ROBO1: variants seen among roughly 807,000 people sequenced by gnomAD.
The protein encoded by ROBO1 is roundabout homolog 1.
Under a neutral mutation model 195.9 loss-of-function variants are expected in ROBO1, and 149 were observed. The observed-to-expected ratio is 0.76, with a 90% CI of 0.67 to 0.87. The LOEUF (loss-of-function observed/expected upper bound fraction) is 0.87. Ranked by LOEUF, ROBO1 falls within the 40% of genes least tolerant of loss-of-function variation. The pLI is 0.00. For synonymous variants in ROBO1, 816 were observed against 733.2 expected, an observed-to-expected ratio of 1.11 and a Z score of -1.82; for missense variants, 1,933 against 2,068.3, an observed-to-expected ratio of 0.93 and a Z score of 1.27.
At chr3:79,653,222 A>T (rs898807794) in intron 1 of ROBO1, among the ~76,000 whole-genome samples, 1 of 151,882 alleles carries the variant, frequency 6.6e-6, no homozygotes, top group Non-Finnish European at 1.5e-5. Flanking sequence ...ATTTCATTAT[A>T]ATTTCATGAA....
intron 5 of ROBO1, among the ~76,000 whole-genome samples, chr3:78,740,046 T>C (rs2082487061): frequency 6.6e-6 from 1 of 152,202 alleles, no homozygotes. Context: ...GCAGAATTTT[T>C]AGTATGTAAC....
chr3:78,814,262 ATTT>A (rs2084833112), intron 4 of ROBO1, among the ~76,000 whole-genome samples: 1 of 152,030 alleles, frequency 6.6e-6, no homozygotes, highest in Non-Finnish European at 1.5e-5. Context: ...GCAATTTAAA[ATTT>A]TTCTAGTAAT....
intron 2 of ROBO1, among the ~76,000 whole-genome samples, chr3:79,159,708 C>T (rs1325669116): frequency 2.6e-5 from 4 of 151,988 alleles, no homozygotes; most frequent in Non-Finnish European, 5.9e-5. Flanking sequence ...TACTCCTACT[C>T]TGATAATTTG....
chr3:79,037,900 G>A (rs1459387030), intron 3 of ROBO1, among the ~76,000 whole-genome samples: 1 of 152,170 alleles, frequency 6.6e-6, no homozygotes, highest in African/African-American at 2.4e-5. Context: ...TATTCTCAAA[G>A]AGGATAGTTC....
chr3:79,646,887 T>G (rs1945835707), intron 1 of ROBO1, among the ~76,000 whole-genome samples: 1 of 152,050 alleles, frequency 6.6e-6, no homozygotes, highest in African/African-American at 2.4e-5. Flanking sequence ...AGTAGATTGC[T>G]GGTTTCCAGA....
At chr3:78,777,199 T>A (rs2083532097) in intron 4 of ROBO1, among the ~76,000 whole-genome samples, 1 of 152,304 alleles carries the variant, frequency 6.6e-6, no homozygotes, top group East Asian at 1.9e-4. Flanking sequence ...GGAACAGACA[T>A]CTTTGGTTAC....
At chr3:79,742,152 A>T (rs1320652035) in intron 1 of ROBO1, among the ~76,000 whole-genome samples, 1 of 152,206 alleles carries the variant, frequency 6.6e-6, no homozygotes, top group Non-Finnish European at 1.5e-5. Flanking sequence ...CTGGGGAGAA[A>T]TTCAAGCCTG....
At chr3:79,225,170 G>C (rs1254968213) in intron 2 of ROBO1, among the ~76,000 whole-genome samples, 1 of 151,696 alleles carries the variant, frequency 6.6e-6, no homozygotes, top group Non-Finnish European at 1.5e-5. Flanking sequence ...TTCTTTGGGG[G>C]GGAAATAATA....
At chr3:78,889,220 C>G (rs981324650) in intron 4 of ROBO1, among the ~76,000 whole-genome samples, 1 of 152,126 alleles carries the variant, frequency 6.6e-6, no homozygotes, top group South Asian at 2.1e-4. Flanking sequence ...TTATATTAAG[C>G]AATTTTCCCC....
chr3:78,857,345 C>G (rs2034514768), intron 4 of ROBO1, among the ~76,000 whole-genome samples: 1 of 152,160 alleles, frequency 6.6e-6, no homozygotes, highest in Non-Finnish European at 1.5e-5. Flanking sequence ...GTCTTAAAAA[C>G]TTAACATTTT....
At chr3:78,707,418 G>C (rs1025329619) in intron 8 of ROBO1, among the ~76,000 whole-genome samples, 1 of 152,150 alleles carries the variant, frequency 6.6e-6, no homozygotes, top group African/African-American at 2.4e-5. Context: ...TTAATACTTA[G>C]GGGAAGCATC....
rs1462832295 is a variant in ROBO1, at chr3:79,496,647, A to T, written c.88+93177T>A. Among the ~76,000 whole-genome samples, 4 of 150,778 alleles carry T rather than the reference A, an allele frequency of 2.7e-5. No homozygotes were observed. The East Asian group carries it at 7.8e-4, about 29-fold the overall frequency. On this transcript the variant is annotated intron_variant, in intron 2 of 30. Transcript: ENST00000464233. The stretch of plus-strand genomic sequence containing the variant: ...CATGATCCACCCGCCTCGGCCTCCC[A>T]AAGTGCTGGGATTACAGGCGTGAGC...
chr3:79,607,274 A>G (rs925175972), intron 1 of ROBO1, among the ~76,000 whole-genome samples: 1 of 151,334 alleles, frequency 6.6e-6, no homozygotes, highest in South Asian at 2.1e-4. Context: ...TTGTGAATAA[A>G]TTATATAAAA....
chr3:79,757,303 G>C (rs1704458236), intron 1 of ROBO1, among the ~76,000 whole-genome samples: 1 of 152,082 alleles, frequency 6.6e-6, no homozygotes, highest in Non-Finnish European at 1.5e-5. Flanking sequence ...TTTGTTTGAA[G>C]TCTTAATTAA....
chr3:79,134,022 C>T (rs369341507), intron 2 of ROBO1, among the ~76,000 whole-genome samples: 1 of 150,842 alleles, frequency 6.6e-6, no homozygotes, highest in Non-Finnish European at 1.5e-5. Flanking sequence ...GCAACAAAAG[C>T]CAAAATTGAC....
At chr3:78,844,192 C>T (rs2033489779) in intron 4 of ROBO1, among the ~76,000 whole-genome samples, 2 of 152,080 alleles carry the variant, frequency 1.3e-5, no homozygotes, top group African/African-American at 4.8e-5. Context: ...GAAGGAAATA[C>T]ATATTTGCCT....
chr3:79,562,019 G>T (rs1942937924), intron 2 of ROBO1, among the ~76,000 whole-genome samples: 3 of 152,102 alleles, frequency 2.0e-5, no homozygotes, highest in Non-Finnish European at 4.4e-5. Flanking sequence ...ATGATAGCTG[G>T]TTTTACTTCT....
intron 11 of ROBO1, among the ~76,000 whole-genome samples, chr3:78,669,211 T>C (rs917350879): frequency 2.0e-5 from 3 of 152,198 alleles, no homozygotes; most frequent in Admixed American, 2.0e-4. Flanking sequence ...AGCAGGATAA[T>C]AAACCCATCT....
chr3:79,080,313 A>C (rs2079249178), intron 3 of ROBO1, among the ~76,000 whole-genome samples: 1 of 151,904 alleles, frequency 6.6e-6, no homozygotes, highest in African/African-American at 2.4e-5. Context: ...AGTACTGAGA[A>C]ATTGAGAGCT....
Sources: allele counts gnomAD v4.1 joint callset (sites outside exome capture counted in the v4.1 genomes callset), GRCh38; gene constraint gnomAD v4.1.1; transcripts MANE v1.5; gene names NCBI Gene and HGNC (gene_info 2026-07-23, HGNC 2026-07-21).